IGSF10: variants seen among roughly 807,000 people sequenced by gnomAD.
IGSF10 encodes immunoglobulin superfamily member 10.
Under a neutral mutation model 128.2 loss-of-function variants are expected in IGSF10, and 126 were observed. The observed-to-expected ratio is 0.98, with a 90% CI of 0.85 to 1.14. IGSF10 has a LOEUF of 1.14. Ranked by LOEUF, IGSF10 falls within the 50% of genes most tolerant of loss-of-function variation. The pLI is 0.00. For synonymous variants in IGSF10, 1,185 were observed against 1,146.2 expected (o/e 1.03, Z -0.68); for missense variants, 3,295 against 3,149.8 (o/e 1.05, Z -1.10).
the IGSF10 span, among the ~76,000 whole-genome samples, chr3:151,520,054 T>C: frequency 2.0e-5 from 3 of 151,656 alleles, no homozygotes; most frequent in East Asian, 5.8e-4. Flanking sequence ...CCCTTTCTAC[T>C]TTTTTTTCCT....
chr3:151,565,505 C>G, the IGSF10 span, among the ~76,000 whole-genome samples: 1 of 152,164 alleles, frequency 6.6e-6, no homozygotes, highest in Non-Finnish European at 1.5e-5. Context: ...AACAAGGGAT[C>G]AAGAAAGCCA....
Position 151,447,314 on chromosome 3 carries a change from A to C in IGSF10, c.2667T>G (p.His889Gln). ...SSQIQGTTNQHSSTVFPLLLG... is the reference protein window; with the variant it reads ...SSQIQGTTNQQSSTVFPLLLG... Reference sequence around the variant, plus strand: ...GTAGCAGTGGAAAGACAGTGGATGAATGTTGATTGGTTGTGCCTTGTATTT... The same window carrying C: ...GTAGCAGTGGAAAGACAGTGGATGACTGTTGATTGGTTGTGCCTTGTATTT... Residue 889 changes from histidine to glutamine, a missense_variant, in exon 6 of 8, where the codon CAT becomes CAG. By Grantham distance (24) the His-to-Gln change is conservative (BLOSUM62 0). Transcript: ENST00000282466. The C allele has an allele frequency of 1.2e-6, 2 of 1,614,166 alleles. No individual in the cohort carries two copies. The highest frequency in any genetic ancestry group is 1.7e-6 in the Non-Finnish European group (2 of 1,180,022).
At chr3:151,466,177 G>A in the IGSF10 span, among the ~76,000 whole-genome samples, 1 of 152,042 alleles carries the variant, frequency 6.6e-6, no homozygotes, top group South Asian at 2.1e-4. Context: ...AGTTTTAACA[G>A]ATCTGGCATC....
the IGSF10 span, among the ~76,000 whole-genome samples, chr3:151,539,326 G>A: frequency 6.6e-6 from 1 of 152,082 alleles, no homozygotes; most frequent in Non-Finnish European, 1.5e-5. Flanking sequence ...TAAGAGGAAG[G>A]GGAAGAGAGG....
chr3:151,568,788 C>G, the IGSF10 span, among the ~76,000 whole-genome samples: 1 of 152,214 alleles, frequency 6.6e-6, no homozygotes, highest in East Asian at 1.9e-4. Flanking sequence ...TGCTGAAGCT[C>G]CATTTACTAG....
chr3:151,466,189 G>A, the IGSF10 span, among the ~76,000 whole-genome samples: 2 of 152,076 alleles, frequency 1.3e-5, no homozygotes. Flanking sequence ...TCTGGCATCA[G>A]AAGTGGGATT....
At chr3:151,507,960 A>T in the IGSF10 span, among the ~76,000 whole-genome samples, 1 of 152,280 alleles carries the variant, frequency 6.6e-6, no homozygotes, top group African/African-American at 2.4e-5. Context: ...ATCTATCAAT[A>T]AATAATTGGA....
intron 4 of IGSF10, among the ~76,000 whole-genome samples, chr3:151,456,384 G>C (rs371920516): frequency 5.3e-5 from 8 of 152,324 alleles, no homozygotes; most frequent in East Asian, 3.9e-4. Context: ...ACATGGCTGT[G>C]CTTTTCCTGA....
the IGSF10 span, among the ~76,000 whole-genome samples, chr3:151,507,329 A>G: frequency 1.4e-4 from 22 of 152,118 alleles, no homozygotes; most frequent in African/African-American, 5.3e-4. Context: ...GGGGGAAGAC[A>G]TTAAGGAAGC....
At chr3:151,557,476 G>C in the IGSF10 span, among the ~76,000 whole-genome samples, 1 of 152,098 alleles carries the variant, frequency 6.6e-6, no homozygotes, top group Non-Finnish European at 1.5e-5. Flanking sequence ...CCTTTAGTTA[G>C]ACGGAGGAGC....
At chr3:151,501,053 T>G in the IGSF10 span, among the ~76,000 whole-genome samples, 1 of 152,030 alleles carries the variant, frequency 6.6e-6, no homozygotes, top group Non-Finnish European at 1.5e-5. Flanking sequence ...AGGATGGATA[T>G]TTTGAACAAA....
chr3:151,562,398 A>G, the IGSF10 span, among the ~76,000 whole-genome samples: 1 of 152,102 alleles, frequency 6.6e-6, no homozygotes, highest in Non-Finnish European at 1.5e-5. Flanking sequence ...TGGAGTAGCC[A>G]TTCTTTATTC....
At chr3:151,570,350 A>G in the IGSF10 span, among the ~76,000 whole-genome samples, 1 of 152,230 alleles carries the variant, frequency 6.6e-6, no homozygotes, top group Admixed American at 6.5e-5. Context: ...CAGTCCCACC[A>G]ACAGTGTAAA....
chr3:151,513,335 G>A, the IGSF10 span, among the ~76,000 whole-genome samples: 4 of 151,666 alleles, frequency 2.6e-5, no homozygotes, highest in Non-Finnish European at 4.4e-5. Flanking sequence ...ATCAATAAAC[G>A]TAATCCAGCA....
chr3:151,435,062 C>CTTTTTTTTTTTTTTTTTTTTTTTT (rs66791814), downstream of IGSF10: 2 of 119,082 alleles, frequency 1.7e-5, no homozygotes. Context: ...TGAGAGGTTT[C>CTTTTTTTTTTTTTTTTTTTTTTTT]TTTTTTTTTT....
chr3:151,437,282 C>G lies in IGSF10; in HGVS notation c.7279G>C (p.Glu2427Gln), dbSNP rs954661445. 1 of 1,614,178 alleles carries G rather than the reference C, an allele frequency of 6.2e-7. No individual in the cohort carries two copies. Among genetic ancestry groups the G allele is most frequent in the Non-Finnish European group, 8.5e-7 (1 of 1,180,036 alleles). The change falls in exon 8 of 8, where the codon GAA becomes CAA. Residue 2427 changes from glutamate (E) to glutamine (Q), a missense_variant. By Grantham distance (29) the Glu-to-Gln change is conservative (BLOSUM62 2). Coordinates refer to ENST00000282466, the MANE Select transcript of IGSF10 (RefSeq NM_178822.5). ...VGYIEKLVIL[E>Q]IGQKPVILTY... is the part of the protein sequence containing the mutation. ...AGAATAACTGGCTTCTGGCCAATTT[C>G]TAATATGACTAATTTCTCAATATAG... is the stretch of plus-strand genomic sequence containing the variant.
intron 4 of IGSF10, among the ~76,000 whole-genome samples, chr3:151,455,408 C>T (rs866718792): frequency 5.3e-5 from 8 of 152,044 alleles, no homozygotes; most frequent in Non-Finnish European, 8.8e-5. Context: ...CCACTGCGCC[C>T]GGCCTAAAGT....
At chr3:151,520,765 A>T in the IGSF10 span, among the ~76,000 whole-genome samples, 1 of 151,890 alleles carries the variant, frequency 6.6e-6, no homozygotes, top group Non-Finnish European at 1.5e-5. Flanking sequence ...AATACTAGCT[A>T]ATACAAAAAC....
chr3:151,519,081 T>C, the IGSF10 span, among the ~76,000 whole-genome samples: 3 of 151,956 alleles, frequency 2.0e-5, no homozygotes, highest in Non-Finnish European at 4.4e-5. Context: ...GATCACAGAA[T>C]ATGTATGATT....
Sources: gnomAD v4.1 joint callset for allele counts (sites outside exome capture counted in the v4.1 genomes callset) on GRCh38, gnomAD v4.1.1 for gene constraint, MANE v1.5 for transcripts, NCBI Gene and HGNC (gene_info 2026-07-23, HGNC 2026-07-21) for gene names.